PRCP: variants seen among roughly 807,000 people sequenced by gnomAD.
PRCP encodes the protein prolylcarboxypeptidase.
In PRCP, 46 loss-of-function variants were observed where a neutral mutation model predicts 54.2. That is an observed-to-expected ratio of 0.85 (90% CI 0.67 to 1.09). The LOEUF (loss-of-function observed/expected upper bound fraction) is 1.09. PRCP is among the 50% of genes least tolerant of loss of function. The probability of loss-of-function intolerance (pLI) is 0.00; values close to 1 mark genes in which losing one functional copy is unlikely to be tolerated. For synonymous variants in PRCP, 240 were observed against 212.2 expected (o/e 1.13, Z -1.14); for missense variants, 613 against 596.8 (o/e 1.03, Z -0.28).
chr11:82,828,170 T>C (rs1800562103), intron 8 of PRCP: 1 of 152,216 alleles, frequency 6.6e-6, no homozygotes, highest in Non-Finnish European at 1.5e-5. Flanking sequence ...GTTAAAAGGC[T>C]TGCCAAAATC....
intron 8 of PRCP, chr11:82,825,574 G>C (rs1327394029): frequency 6.3e-6 from 1 of 158,038 alleles, no homozygotes; most frequent in Non-Finnish European, 1.4e-5. Flanking sequence ...TTCAAAACAA[G>C]CCTGGGCAAC....
chr11:82,872,895 G>C (rs1859511991), intron 1 of PRCP, among the ~76,000 whole-genome samples: 1 of 152,128 alleles, frequency 6.6e-6, no homozygotes, highest in Non-Finnish European at 1.5e-5. Flanking sequence ...AAAATACAAA[G>C]AGCCAGAGGC....
chr11:82,864,162 T>C (rs992285774), intron 1 of PRCP, among the ~76,000 whole-genome samples: 1 of 152,214 alleles, frequency 6.6e-6, no homozygotes, highest in African/African-American at 2.4e-5. Context: ...ACAGATTAAG[T>C]TCTTCACAGA....
At chr11:82,888,246 T>C (rs1452358132) in intron 1 of PRCP, among the ~76,000 whole-genome samples, 1 of 152,148 alleles carries the variant, frequency 6.6e-6, no homozygotes, top group Non-Finnish European at 1.5e-5. Context: ...CTTTAACAAA[T>C]CTGTTTCTCC....
intron 1 of PRCP, among the ~76,000 whole-genome samples, chr11:82,860,447 A>G (rs1171883851): frequency 6.6e-6 from 1 of 152,048 alleles, no homozygotes; most frequent in East Asian, 1.9e-4. Context: ...TTAATTTTTA[A>G]TGCATTTTTA....
At position 82,824,354 on chromosome 11, in the gene PRCP, C is replaced by A. The variant is rs186720412; in HGVS notation, c.*552G>T. ...CCGGAGTTGAAGTGAGCTTCAGAAG[C>A]AACACACAGGTATAAGGTCCAGCTG... On this transcript the variant is annotated 3_prime_UTR_variant, in exon 9 of 9. Coordinates refer to ENST00000313010, the MANE Select transcript of PRCP (RefSeq NM_005040.4). 36 of 153,812 alleles carry A rather than the reference C, an allele frequency of 2.3e-4. No homozygotes were observed. The highest frequency in any genetic ancestry group is 5.2e-4 in the Admixed American group (8 of 15,450). The allele number at this position is 153,812 out of a possible 1,614,324, so 9.5% of individuals were successfully genotyped here. A position where few individuals can be genotyped will look rare whatever the true frequency, so the allele number is the denominator to read the frequency against.
chr11:82,900,313 G>C lies in PRCP; in HGVS notation c.90C>G (p.Gly30=), dbSNP rs762750919. The change falls in exon 1 of 9, where the codon GGC becomes GGG. Residue 30 remains glycine (G), a synonymous_variant. Transcript: ENST00000313010. ...IALRPALRAL[G]SLHLPTNPTS... ...TGGGGTTGGTTGGCAAGTGTAGGCT[G>C]CCGAGGGCCCTTAAGGCCGGCCGGA... is the stretch of plus-strand genomic sequence containing the variant. The C allele has an allele frequency of 3.1e-6, 5 of 1,614,238 alleles. No homozygotes were observed. The East Asian group carries it at 1.1e-4, about 36-fold the overall frequency.
At chr11:82,835,751 T>C in intron 8 of PRCP, 1 of 376,464 alleles carries the variant, frequency 2.7e-6, no homozygotes, top group Non-Finnish European at 5.2e-6. Context: ...AAAAAAGACA[T>C]TTGATGCTGA....
intron 1 of PRCP, among the ~76,000 whole-genome samples, chr11:82,884,501 G>A (rs1859822862): frequency 6.6e-6 from 1 of 152,134 alleles, no homozygotes; most frequent in Admixed American, 6.5e-5. Flanking sequence ...AGGCTGCAGT[G>A]AGCCATGATC....
chr11:82,876,733 T>C, intron 1 of PRCP, among the ~76,000 whole-genome samples: 1 of 152,222 alleles, frequency 6.6e-6, no homozygotes, highest in East Asian at 1.9e-4. Flanking sequence ...CCTGTGGAAC[T>C]GTAAGTCAAA....
intron 6 of PRCP, among the ~76,000 whole-genome samples, chr11:82,846,584 G>A (rs979684196): frequency 6.6e-6 from 1 of 152,102 alleles, no homozygotes; most frequent in African/African-American, 2.4e-5. Context: ...ATTAATCCTG[G>A]ATAAAAGAAG....
In PRCP at chr11:82,851,087, A is replaced by G. The variant is rs561414972; in HGVS notation, c.412-582T>C. Among the ~76,000 whole-genome samples, 5 of 152,294 alleles carry G rather than the reference A, an allele frequency of 3.3e-5. No individual in the cohort carries two copies. The South Asian group carries it at 1.0e-3, about 32-fold the overall frequency. ...GACATTGATCTTTGAGAAAAGGAAA[A>G]CTCATAATGTTAAGTTTCATAAACA... On this transcript the variant is annotated intron_variant, in intron 3 of 8. Transcript: ENST00000313010.
Position 82,825,019 on chromosome 11 carries a change from G to A in PRCP, c.1378C>T (p.Arg460Cys), listed in dbSNP as rs372175092. ...ISEGAHHLDLRTKNALDPMSV... is the reference protein window; with the variant it reads ...ISEGAHHLDLCTKNALDPMSV... ...ATAGGATCCAAGGCATTCTTGGTGC[G>A]GAGATCTAAGTGGTGGGCCCCCTCT... Residue 460 changes from arginine to cysteine, a missense_variant, in exon 9 of 9, where the codon CGC becomes TGC. Arg to Cys is a radical substitution (Grantham distance 180). Coordinates refer to ENST00000313010, the MANE Select transcript of PRCP (RefSeq NM_005040.4). The A allele has an allele frequency of 1.3e-4, 209 of 1,613,994 alleles. No individual in the cohort carries two copies. The highest frequency in any genetic ancestry group is 1.6e-4 in the Non-Finnish European group (189 of 1,179,996).
At chr11:82,830,681 G>A (rs1310509932) in intron 8 of PRCP, 1 of 139,998 alleles carries the variant, frequency 7.1e-6, no homozygotes, top group East Asian at 2.1e-4. Context: ...GTACTTTTTT[G>A]GTTTTGTTAA....
At chr11:82,869,580 T>C (rs911180229) in intron 1 of PRCP, among the ~76,000 whole-genome samples, 3 of 152,080 alleles carry the variant, frequency 2.0e-5, no homozygotes, top group Non-Finnish European at 4.4e-5. Flanking sequence ...GGAAATAGAC[T>C]CAAATAGGCA....
chr11:82,873,981 G>A (rs968312735), intron 1 of PRCP, among the ~76,000 whole-genome samples: 1 of 152,122 alleles, frequency 6.6e-6, no homozygotes, highest in Non-Finnish European at 1.5e-5. Flanking sequence ...ATGTCCTCCA[G>A]GGACTTTTTA....
chr11:82,832,046 A>G (rs775533115), intron 8 of PRCP, among the ~76,000 whole-genome samples: 5 of 151,918 alleles, frequency 3.3e-5, no homozygotes, highest in Non-Finnish European at 5.9e-5. Flanking sequence ...AAGGACATGA[A>G]CTCATCCTTT....
chr11:82,884,676 A>G (rs1859825479), intron 1 of PRCP: 1 of 1,195,270 alleles, frequency 8.4e-7, no homozygotes, highest in African/African-American at 1.5e-5. Context: ...TCTGAAGACC[A>G]CAAATGTTCT....
chr11:82,841,991 G>A (rs1335563182), intron 6 of PRCP, among the ~76,000 whole-genome samples: 1 of 152,164 alleles, frequency 6.6e-6, no homozygotes, highest in Non-Finnish European at 1.5e-5. Flanking sequence ...GGAATGCAGA[G>A]AAGCGCCTTA....
Sources: gnomAD v4.1 joint callset for allele counts (sites outside exome capture counted in the v4.1 genomes callset) on GRCh38, gnomAD v4.1.1 for gene constraint, MANE v1.5 for transcripts, NCBI Gene and HGNC (gene_info 2026-07-23, HGNC 2026-07-21) for gene names.